WWOX: variants seen among roughly 807,000 people sequenced by gnomAD.
The protein encoded by WWOX is WW domain-containing oxidoreductase.
Under a neutral mutation model 46.2 loss-of-function variants are expected in WWOX, and 69 were observed. The ratio of observed to expected loss-of-function variants is 1.49; its 90% CI spans 1.23 to 1.82. The LOEUF is 1.82. WWOX is among the 40% of genes most tolerant of loss of function. The pLI is 0.00. For missense variants in WWOX, 919 were observed against 542.6 expected, an observed-to-expected ratio of 1.69 and a Z score of -6.89; for synonymous variants, 359 against 202.6, an observed-to-expected ratio of 1.77 and a Z score of -6.56.
intron 8 of WWOX, among the ~76,000 whole-genome samples, chr16:78,670,491 T>C (rs1181696643): frequency 1.3e-5 from 2 of 152,016 alleles, no homozygotes; most frequent in Non-Finnish European, 2.9e-5. Flanking sequence ...TCGGAAATCA[T>C]GTCACCCTCT....
chr16:78,875,932 C>T (rs902836905), intron 8 of WWOX, among the ~76,000 whole-genome samples: 1 of 152,106 alleles, frequency 6.6e-6, no homozygotes, highest in Non-Finnish European at 1.5e-5. Flanking sequence ...CTATTAGTAC[C>T]TGGGAATAAT....
chr16:79,132,810 G>C (rs189696612), intron 8 of WWOX, among the ~76,000 whole-genome samples: 3 of 152,300 alleles, frequency 2.0e-5, no homozygotes, highest in South Asian at 2.1e-4. Flanking sequence ...TTTCAAAAGA[G>C]AGTGTCCCAA....
intron 8 of WWOX, among the ~76,000 whole-genome samples, chr16:78,815,647 T>A (rs896711283): frequency 5.3e-5 from 8 of 152,216 alleles, no homozygotes; most frequent in African/African-American, 1.9e-4. Flanking sequence ...GTCTGAGCCA[T>A]GGCTCCTTTT....
chr16:78,227,702 C>A (rs1272959533), intron 5 of WWOX, among the ~76,000 whole-genome samples: 1 of 151,930 alleles, frequency 6.6e-6, no homozygotes, highest in Non-Finnish European at 1.5e-5. Context: ...CATGGTGAAA[C>A]CCTGTCTCTA....
intron 8 of WWOX, chr16:78,825,512 C>G: frequency 4.0e-6 from 2 of 497,316 alleles, no homozygotes; most frequent in Non-Finnish European, 8.1e-6. Context: ...AGAGATTTGG[C>G]TTCCCACAGG....
intron 8 of WWOX, among the ~76,000 whole-genome samples, chr16:78,473,123 C>G (rs559137113): frequency 8.1e-4 from 124 of 152,248 alleles, no homozygotes; most frequent in African/African-American, 2.8e-3. Context: ...TGTTGCTTAT[C>G]TTTTATGTAA....
intron 8 of WWOX, among the ~76,000 whole-genome samples, chr16:78,642,648 C>A (rs537926356): frequency 1.3e-5 from 2 of 152,202 alleles, no homozygotes; most frequent in Admixed American, 6.5e-5. Context: ...GATGAAGACT[C>A]CCTTTCATGT....
At chr16:78,832,031 C>T (rs1225075862) in intron 8 of WWOX, among the ~76,000 whole-genome samples, 1 of 152,206 alleles carries the variant, frequency 6.6e-6, no homozygotes, top group Non-Finnish European at 1.5e-5. Flanking sequence ...TGCTGCCTAA[C>T]AAATTACCCC....
At chr16:79,184,935 C>T (rs909098882) in intron 8 of WWOX, among the ~76,000 whole-genome samples, 2 of 152,188 alleles carry the variant, frequency 1.3e-5, no homozygotes, top group Non-Finnish European at 2.9e-5. Context: ...AGGGATTCTC[C>T]TTTACATTTT....
chr16:78,335,183 C>T (rs578245571), intron 5 of WWOX, among the ~76,000 whole-genome samples: 2 of 152,288 alleles, frequency 1.3e-5, no homozygotes, highest in Non-Finnish European at 2.9e-5. Flanking sequence ...AAGTTTGTTA[C>T]ATAGGTAATC....
At chr16:78,914,961 G>A (rs534762471) in intron 8 of WWOX, among the ~76,000 whole-genome samples, 1 of 150,932 alleles carries the variant, frequency 6.6e-6, no homozygotes, top group East Asian at 2.0e-4. Context: ...GAGAGACAGA[G>A]AATCAGTTAA....
At chr16:79,133,978 A>C (rs1380673472) in intron 8 of WWOX, among the ~76,000 whole-genome samples, 1 of 152,196 alleles carries the variant, frequency 6.6e-6, no homozygotes, top group African/African-American at 2.4e-5. Flanking sequence ...TTAAGGAGCA[A>C]ATATGTGAGC....
At chr16:78,547,797 C>T (rs1398489212) in intron 8 of WWOX, among the ~76,000 whole-genome samples, 1 of 152,012 alleles carries the variant, frequency 6.6e-6, no homozygotes, top group East Asian at 1.9e-4. Context: ...GAAGGCTTTG[C>T]CTCAATGACC....
intron 8 of WWOX, among the ~76,000 whole-genome samples, chr16:78,737,823 C>T (rs1338340244): frequency 6.6e-6 from 1 of 152,184 alleles, no homozygotes; most frequent in African/African-American, 2.4e-5. Context: ...AGCCTGTAAA[C>T]TCTGGAGTGT....
At chr16:78,813,767 C>G (rs1367743603) in intron 8 of WWOX, among the ~76,000 whole-genome samples, 2 of 152,168 alleles carry the variant, frequency 1.3e-5, no homozygotes, top group African/African-American at 4.8e-5. Flanking sequence ...ATATGTCAGA[C>G]CAGGATGAGT....
chr16:78,273,224 C>T (rs1257303007), intron 5 of WWOX, among the ~76,000 whole-genome samples: 3 of 152,128 alleles, frequency 2.0e-5, no homozygotes, highest in African/African-American at 7.2e-5. Flanking sequence ...TTAATGATAT[C>T]CTATGCCAAA....
chr16:78,607,646 T>TC (rs2045793718), intron 8 of WWOX, among the ~76,000 whole-genome samples: 1 of 145,750 alleles, frequency 6.9e-6, no homozygotes, highest in African/African-American at 2.6e-5. Flanking sequence ...TTGTTCTTCT[T>TC]TTTTTTTTTT....
intron 8 of WWOX, among the ~76,000 whole-genome samples, chr16:79,079,063 A>G (rs1389739342): frequency 2.6e-5 from 4 of 152,198 alleles, no homozygotes; most frequent in African/African-American, 4.8e-5. Context: ...CAACTTTACA[A>G]TTAGTGCCTT....
intron 8 of WWOX, among the ~76,000 whole-genome samples, chr16:78,727,390 G>A (rs1477416): frequency 0.58 from 88,646 of 151,964 alleles, 26,253 homozygotes; most frequent in African/African-American, 0.66. Flanking sequence ...ATCTCAAAGC[G>A]AAACAAAACA....
Sources: allele counts gnomAD v4.1 joint callset (sites outside exome capture counted in the v4.1 genomes callset), GRCh38; gene constraint gnomAD v4.1.1; transcripts MANE v1.5; gene names NCBI Gene and HGNC (gene_info 2026-07-23, HGNC 2026-07-21).